Variants in TNFAIP8L3 observed in about 807,000 individuals in gnomAD.
TNFAIP8L3 encodes TNF alpha induced protein 8 like 3.
In TNFAIP8L3, 7 loss-of-function variants were observed where a neutral mutation model predicts 11.8. The observed-to-expected ratio is 0.59, with a 90% CI of 0.34 to 1.11. The LOEUF (loss-of-function observed/expected upper bound fraction) is 1.11, where lower values mean the gene tolerates loss of function less well. TNFAIP8L3 is among the 50% of genes most tolerant of loss of function. The pLI is 0.03. For synonymous variants in TNFAIP8L3, 98 were observed against 103.8 expected (o/e 0.94, Z 0.34); for missense variants, 219 against 258.6 (o/e 0.85, Z 1.05).
exon 1 of TNFAIP8L3, chr15:51,105,219 A>T: frequency 6.3e-7 from 1 of 1,599,166 alleles, no homozygotes; most frequent in Non-Finnish European, 8.5e-7. Flanking sequence ...CCTAACTTGC[A>T]CACTGACTCT....
chr15:51,064,192 G>T (rs2065256358), intron 1 of TNFAIP8L3, among the ~76,000 whole-genome samples: 1 of 152,140 alleles, frequency 6.6e-6, no homozygotes, highest in Non-Finnish European at 1.5e-5. Context: ...ATTGTCACAA[G>T]CTCCCTAAGT....
intron 1 of TNFAIP8L3, among the ~76,000 whole-genome samples, chr15:51,086,489 G>A (rs2065428427): frequency 6.6e-6 from 1 of 152,224 alleles, no homozygotes; most frequent in Admixed American, 6.5e-5. Flanking sequence ...AGGGTTCTGG[G>A]AACCGTGGGA....
intron 1 of TNFAIP8L3, among the ~76,000 whole-genome samples, chr15:51,088,814 C>T (rs559141978): frequency 1.3e-5 from 2 of 152,352 alleles, no homozygotes; most frequent in African/African-American, 4.8e-5. Context: ...GACTCCCCTT[C>T]AGGAACAAAG....
intron 1 of TNFAIP8L3, among the ~76,000 whole-genome samples, chr15:51,091,803 A>G (rs1186850728): frequency 2.6e-5 from 4 of 152,184 alleles, no homozygotes; most frequent in African/African-American, 9.7e-5. Flanking sequence ...TAATGTGATA[A>G]TAACAGCAGC....
At chr15:51,105,245 G>A (rs936659325) in exon 1 of TNFAIP8L3, 73 of 1,526,670 alleles carry the variant, frequency 4.8e-5, no homozygotes, top group Middle Eastern at 2.4e-4. Flanking sequence ...AGGTCTGGTC[G>A]TTTCCCATTA....
At chr15:51,062,886 G>T (rs570990142) in intron 1 of TNFAIP8L3, among the ~76,000 whole-genome samples, 29 of 152,166 alleles carry the variant, frequency 1.9e-4, no homozygotes, top group Non-Finnish European at 3.7e-4. Flanking sequence ...AAGGGAATTT[G>T]TAGACATGAT....
Position 51,057,781 on chromosome 15 carries a change from A to G in TNFAIP8L3, c.*100T>C. 1 of 1,038,552 alleles carries G rather than the reference A, an allele frequency of 9.6e-7. No homozygotes were observed. Among genetic ancestry groups the G allele is most frequent in the Non-Finnish European group, 1.4e-6 (1 of 712,840 alleles). The allele number at this position is 1,038,552 out of a possible 1,614,324, so 64.3% of individuals were successfully genotyped here. ...GGGATGAACAGGAAAGAACATGGACATCTTTGACAAGGGTTTCTGCTTATG... is the reference window on the plus strand; with the variant it reads ...GGGATGAACAGGAAAGAACATGGACGTCTTTGACAAGGGTTTCTGCTTATG... On this transcript the variant is annotated 3_prime_UTR_variant, in exon 2 of 2. Transcript: ENST00000637513.
Position 51,058,462 on chromosome 15 carries a change from A to G in TNFAIP8L3, c.53-19T>C. 5 of 1,483,714 alleles carry G rather than the reference A, an allele frequency of 3.4e-6. No homozygotes were observed. Among genetic ancestry groups the G allele is most frequent in the Non-Finnish European group, 3.6e-6 (4 of 1,122,340 alleles). The allele number at this position is 1,483,714 out of a possible 1,614,324, so 91.9% of individuals were successfully genotyped here. ...TCAGGACCTATGGTAAAAAAAATAT[A>G]TATAAAAGTTTTAGAAATATAAGAA... On this transcript the variant is annotated intron_variant, in intron 1 of 1. Transcript: ENST00000637513.
chr15:51,072,989 C>CTTTTTTTTTTTTTTTTTTTT lies in TNFAIP8L3; in HGVS notation c.53-14547_53-14546insAAAAAAAAAAAAAAAAAAAA, dbSNP rs2065321403. 2.6e-4 allele frequency among the ~76,000 whole-genome samples: 12 copies of CTTTTTTTTTTTTTTTTTTTT among 45,752 alleles called. 6 individuals carry two copies. Among genetic ancestry groups the CTTTTTTTTTTTTTTTTTTTT allele is most frequent in the African/African-American group, 2.1e-4 (2 of 9,672 alleles). The allele number at this position is 45,752 out of a possible 152,430, so 30.0% of individuals were successfully genotyped here. ...ATGTTGATCTGAAGTAAACTGGGAT[C>CTTTTTTTTTTTTTTTTTTTT]CTTTTTTTTTTTTTTTTTTTTTTTG... On this transcript the variant is annotated intron_variant, in intron 1 of 1. Transcript: ENST00000637513.
At chr15:51,088,094 A>G (rs2065442923) in intron 1 of TNFAIP8L3, among the ~76,000 whole-genome samples, 1 of 151,554 alleles carries the variant, frequency 6.6e-6, no homozygotes, top group Admixed American at 6.6e-5. Flanking sequence ...CATTTTACAT[A>G]AAGAGTTGGA....
intron 1 of TNFAIP8L3, among the ~76,000 whole-genome samples, chr15:51,084,349 A>G (rs2065412652): frequency 6.6e-6 from 1 of 152,236 alleles, no homozygotes; most frequent in Non-Finnish European, 1.5e-5. Context: ...ATAATATCCC[A>G]CTGTGTGGAA....
chr15:51,103,436 A>G (rs186004868), intron 1 of TNFAIP8L3, among the ~76,000 whole-genome samples: 108 of 152,354 alleles, frequency 7.1e-4, no homozygotes, highest in African/African-American at 2.5e-3. Context: ...TCATCCCATG[A>G]GAGTTTCCAG....
At position 51,058,084 on chromosome 15, in the gene TNFAIP8L3, G is replaced by A. The variant is rs188848737; in HGVS notation, c.412C>T (p.Leu138=). ...TFDRNVLSNL[L]HECKDLVHEL... is the part of the protein sequence containing the mutation. Reference sequence around the variant, plus strand: ...TGCACCAGGTCCTTGCACTCATGCAGGAGATTGGAGAGCACGTTCCTATCG... The same window carrying A: ...TGCACCAGGTCCTTGCACTCATGCAAGAGATTGGAGAGCACGTTCCTATCG... Residue 138 remains leucine (L), a synonymous_variant, in exon 2 of 2, where the codon CTG becomes TTG. Transcript: ENST00000637513. 34 of 1,614,110 alleles carry A rather than the reference G, an allele frequency of 2.1e-5. No individual in the cohort carries two copies. The Admixed American group carries it at 3.7e-4, about 17-fold the overall frequency.
In TNFAIP8L3 at chr15:51,105,110, T is replaced by A. The variant is rs781665145; in HGVS notation, c.67A>T (p.Lys23Ter). Residue 23 changes from lysine to a stop codon, truncating the protein, a stop_gained, in exon 1 of 3, where the codon AAA (lysine) becomes TAA (stop). Coordinates refer to the TNFAIP8L3 transcript ENST00000327536. LOFTEE classifies it high-confidence loss of function. ...CCTGCATATCCGTTGACCCACAGTT[T>A]CCCCTTTGGCTCTGCCTCACAGAGT... 6.2e-7 allele frequency: 1 copy of A among 1,614,194 alleles called. No homozygotes were observed. Among genetic ancestry groups the A allele is most frequent in the Non-Finnish European group, 8.5e-7 (1 of 1,180,038 alleles).
chr15:51,093,782 G>A (rs1285362576), intron 1 of TNFAIP8L3, among the ~76,000 whole-genome samples: 7 of 152,222 alleles, frequency 4.6e-5, no homozygotes. Flanking sequence ...TCGACCCACG[G>A]CTGTGGGTGG....
At chr15:51,065,790 T>C (rs1486979410) in intron 1 of TNFAIP8L3, among the ~76,000 whole-genome samples, 1 of 152,196 alleles carries the variant, frequency 6.6e-6, no homozygotes, top group East Asian at 1.9e-4. Context: ...TTATTTGTAA[T>C]AGTCAGTACA....
rs752187821 is a variant in TNFAIP8L3, at chr15:51,058,211, G to T, written c.285C>A (p.Asn95Lys). The change falls in exon 2 of 2, where the codon AAC becomes AAA. Residue 95 changes from asparagine (N) to lysine (K), a missense_variant. Physicochemically the swap from Asn to Lys is moderately conservative, Grantham distance 94 (BLOSUM62 0). Coordinates refer to ENST00000637513, the MANE Select transcript of TNFAIP8L3 (RefSeq NM_001311175.2). Reference protein sequence around the residue: ...AIKIGILYRNNQFSQEELVIV... With the variant: ...AIKIGILYRNKQFSQEELVIV... Reference sequence around the variant, plus strand: ...TAACCAGCTCCTCTTGGCTAAACTGGTTGTTCCGGTAGAGGATCCCGATTT... The same window carrying T: ...TAACCAGCTCCTCTTGGCTAAACTGTTTGTTCCGGTAGAGGATCCCGATTT... The T allele has an allele frequency of 1.2e-6, 2 of 1,614,080 alleles. No individual in the cohort carries two copies. The highest frequency in any genetic ancestry group is 1.1e-5 in the South Asian group (1 of 91,084).
At chr15:51,086,807 T>G (rs1426567124) in intron 1 of TNFAIP8L3, among the ~76,000 whole-genome samples, 2 of 152,192 alleles carry the variant, frequency 1.3e-5, no homozygotes. Context: ...TCATTATACT[T>G]TTATGTTCAG....
At chr15:51,070,768 C>T (rs186583997) in intron 1 of TNFAIP8L3, among the ~76,000 whole-genome samples, 27 of 152,182 alleles carry the variant, frequency 1.8e-4, no homozygotes, top group African/African-American at 4.3e-4. Context: ...ATTTTCTGGC[C>T]GGGCGCGGTG....
Sources: allele counts gnomAD v4.1 joint callset (sites outside exome capture counted in the v4.1 genomes callset), GRCh38; gene constraint gnomAD v4.1.1; transcripts MANE v1.5; gene names NCBI Gene and HGNC (gene_info 2026-07-23, HGNC 2026-07-21).